The following KRT25 variants were observed in gnomAD, a reference collection of about 807,000 sequenced individuals.
KRT25 encodes the protein keratin 25, also known as keratin, type I cytoskeletal 25.
KRT25 carries 37 observed loss-of-function variants against 47.6 expected under a neutral mutation model. The observed-to-expected ratio is 0.78, with a 90% CI of 0.60 to 1.02. The LOEUF is 1.02. Ranked by LOEUF, KRT25 falls within the 50% of genes least tolerant of loss-of-function variation. The probability of loss-of-function intolerance (pLI) is 0.00; values close to 1 mark genes in which losing one functional copy is unlikely to be tolerated. For synonymous variants in KRT25, 203 were observed against 210.2 expected, an observed-to-expected ratio of 0.97 and a Z score of 0.30; for missense variants, 542 against 550.3, an observed-to-expected ratio of 0.98 and a Z score of 0.15.
Position 40,754,914 on chromosome 17 carries a change from G to T in KRT25, c.358C>A (p.Pro120Thr). 2 of 1,614,118 alleles carry T rather than the reference G, an allele frequency of 1.2e-6. No homozygotes were observed. Among genetic ancestry groups the T allele is most frequent in the Non-Finnish European group, 1.7e-6 (2 of 1,180,034 alleles). Residue 120 changes from proline to threonine, a missense_variant, in exon 1 of 8, where the codon CCT (proline) becomes ACT (threonine). Coordinates refer to ENST00000312150, the MANE Select transcript of KRT25 (RefSeq NM_181534.4). ...TGATCAAGACCACGGCAAGAGCCAG[G>T]CCCAAATTTCTCATACCAGCCCTTG... ...KIKGWYEKFG[P>T]GSCRGLDHDY... is the part of the protein sequence containing the mutation.
At chr17:40,754,818 A>T (rs755595355) in intron 1 of KRT25, 25 bp downstream of exon 1, 2 of 1,537,054 alleles carry the variant, frequency 1.3e-6, no homozygotes, top group African/African-American at 1.4e-5. Flanking sequence ...GTACATGAAA[A>T]TGATTGTGCA....
In KRT25 at chr17:40,749,745, G is replaced by A. The variant is rs139789520; in HGVS notation, c.1176-420C>T. 1.5e-4 allele frequency among the ~76,000 whole-genome samples: 23 copies of A among 152,234 alleles called. No individual in the cohort carries two copies. In the East Asian group the frequency reaches 3.9e-3, roughly 26 times the overall value. ...GGTTTGATGATAGGTGGGGAAGAGTGGTGTAGATCGCTTCAGCAGTTAGGC... is the reference window on the plus strand; with the variant it reads ...GGTTTGATGATAGGTGGGGAAGAGTAGTGTAGATCGCTTCAGCAGTTAGGC... On this transcript the variant is annotated intron_variant, in intron 6 of 7. Transcript: ENST00000312150.
At position 40,755,205 on chromosome 17, in the gene KRT25, G is replaced by C; in HGVS notation, c.67C>G (p.Leu23Val). Residue 23 changes from leucine to valine, a missense_variant, in exon 1 of 8, where the codon CTC becomes GTC. Transcript: ENST00000312150. The stretch of plus-strand genomic sequence containing the variant: ...CCAAAGCTGGTTCCCCCACCATAGA[G>C]TCTGAGTGATCCAGTGGTGGGACGA... ...CPRPTTGSLR[L>V]YGGGTSFGTG... The C allele has an allele frequency of 6.2e-7, 1 of 1,614,208 alleles. No homozygotes were observed. The highest frequency in any genetic ancestry group is 8.5e-7 in the Non-Finnish European group (1 of 1,180,028).
Position 40,751,328 on chromosome 17 carries a change from T to C in KRT25, c.670-2A>G. ...TGCGCACTGCAGAACTTGCATTTCC[T>C]AGAGGCAGAAAAGTGTTCTGCTCAG... is the stretch of plus-strand genomic sequence containing the variant. On this transcript the variant is annotated splice_acceptor_variant, in intron 3 of 7. Transcript: ENST00000312150. LOFTEE classifies it high-confidence loss of function. 1.2e-6 allele frequency: 2 copies of C among 1,607,010 alleles called. No individual in the cohort carries two copies. The highest frequency in any genetic ancestry group is 1.7e-6 in the Non-Finnish European group (2 of 1,176,878).
rs1307732458 is a variant in KRT25 at position 40,755,253 on chromosome 17, T to C, written c.19A>G (p.Ser7Gly). 2 of 1,613,594 alleles carry C rather than the reference T, an allele frequency of 1.2e-6. No individual in the cohort carries two copies. Among genetic ancestry groups the C allele is most frequent in the Admixed American group, 1.7e-5 (1 of 59,996 alleles). Residue 7 changes from serine (S) to glycine (G), a missense_variant, in exon 1 of 8, where the codon AGT becomes GGT. Transcript: ENST00000312150. Reference sequence around the variant, plus strand: ...CGAGGACAGGACCTCCTGGATGCACTGGAAAGTCGAAGAGACATGGTATCA... The same window carrying C: ...CGAGGACAGGACCTCCTGGATGCACCGGAAAGTCGAAGAGACATGGTATCA... Reference protein sequence around the residue: MSLRLSSASRRSCPRPT... With the variant: MSLRLSGASRRSCPRPT...
In KRT25 at chr17:40,753,951, A is replaced by G; in HGVS notation, c.578T>C (p.Leu193Ser). ...TGTTCTGCACAGGGTTATTTCATCC[A>G]AAACTCTTCGTAACCCATTGACATC... is the stretch of plus-strand genomic sequence containing the variant. ...EADVNGLRRVLDEITLCRTDL... is the reference protein window; with the variant it reads ...EADVNGLRRVSDEITLCRTDL... The change falls in exon 3 of 8, where the codon TTG becomes TCG. Residue 193 changes from leucine to serine, a missense_variant. Transcript: ENST00000312150. 1 of 1,614,024 alleles carries G rather than the reference A, an allele frequency of 6.2e-7. No individual in the cohort carries two copies. The highest frequency in any genetic ancestry group is 8.5e-7 in the Non-Finnish European group (1 of 1,179,896).
upstream of KRT25, chr17:40,755,407 T>A: frequency 1.3e-6 from 1 of 776,248 alleles, no homozygotes; most frequent in Non-Finnish European, 2.0e-6. Context: ...CTACACAGAG[T>A]AAAACATGGC....
intron 3 of KRT25, among the ~76,000 whole-genome samples, 157 bp from the exon 4 acceptor site, chr17:40,751,483 C>T (rs2038047399): frequency 6.6e-6 from 1 of 152,158 alleles, no homozygotes; most frequent in Non-Finnish European, 1.5e-5. Flanking sequence ...GTCCCGTTGA[C>T]CTAATTCTCA....
At position 40,753,844 on chromosome 17, in the gene KRT25, G is replaced by C. The variant is rs541478715; in HGVS notation, c.669+16C>G. ...GTCTGCGGAGGGATAGCAAAATGTA[G>C]ACGACCAGCTCTTACCTCTTTATGG... is the stretch of plus-strand genomic sequence containing the variant. On this transcript the variant is annotated intron_variant, in intron 3 of 7. Coordinates refer to ENST00000312150, the MANE Select transcript of KRT25 (RefSeq NM_181534.4). 1.2e-6 allele frequency: 2 copies of C among 1,610,928 alleles called. No individual in the cohort carries two copies. Among genetic ancestry groups the C allele is most frequent in the East Asian group, 2.2e-5 (1 of 44,764 alleles).
chr17:40,750,064 G>C (rs2038031778), intron 6 of KRT25, among the ~76,000 whole-genome samples: 1 of 152,110 alleles, frequency 6.6e-6, no homozygotes, highest in Admixed American at 6.5e-5. Context: ...GATTCTGTGA[G>C]TGCTGAGCTC....
Position 40,753,855 on chromosome 17 carries a change from C to A in KRT25, c.669+5G>T. Reference sequence around the variant, plus strand: ...GATAGCAAAATGTAGACGACCAGCTCTTACCTCTTTATGGTTCTTTTTGAG... The same window carrying A: ...GATAGCAAAATGTAGACGACCAGCTATTACCTCTTTATGGTTCTTTTTGAG... On this transcript the variant is annotated splice_donor_5th_base_variant and intron_variant, in intron 3 of 7. Coordinates refer to ENST00000312150, the MANE Select transcript of KRT25 (RefSeq NM_181534.4). The A allele has an allele frequency of 6.2e-7, 1 of 1,613,808 alleles. No individual in the cohort carries two copies. Among genetic ancestry groups the A allele is most frequent in the South Asian group, 1.1e-5 (1 of 91,048 alleles).
chr17:40,752,861 T>A (rs1272947290), intron 3 of KRT25, among the ~76,000 whole-genome samples: 1 of 152,224 alleles, frequency 6.6e-6, no homozygotes, highest in Non-Finnish European at 1.5e-5. Context: ...TAGAAGTCTT[T>A]TGGCTATTTA....
Position 40,750,970 on chromosome 17 carries a change from T to G in KRT25, c.941A>C (p.Gln314Pro). The change falls in exon 5 of 8, where the codon CAG (glutamine) becomes CCG (proline). Residue 314 changes from glutamine to proline, a missense_variant. Coordinates refer to ENST00000312150, the MANE Select transcript of KRT25 (RefSeq NM_181534.4). ...TTTTCATACCGTGGCTAGGAGAGAC[T>G]GAAGTTCAATTTCCAGGGTTTGAAG... ...RTLQTLEIEL[Q>P]SLLATKHSLE... 6.2e-7 allele frequency: 1 copy of G among 1,614,188 alleles called. No homozygotes were observed. Among genetic ancestry groups the G allele is most frequent in the African/African-American group, 1.3e-5 (1 of 75,028 alleles).
chr17:40,754,116 A>T (rs1404712256), intron 2 of KRT25, 100 bp from the exon 3 acceptor site: 8 of 1,209,548 alleles, frequency 6.6e-6, no homozygotes, highest in Non-Finnish European at 9.6e-6. Flanking sequence ...AATTTTGAAG[A>T]TTTGGCCACA....
Position 40,750,466 on chromosome 17 carries a change from C to T in KRT25, c.1089G>A (p.Lys363=), listed in dbSNP as rs72821891. The T allele has an allele frequency of 0.011, 17,892 of 1,614,038 alleles. 114 individuals are homozygous for T. The highest frequency in any genetic ancestry group is 0.013 in the Non-Finnish European group (14,821 of 1,179,932). The change falls in exon 6 of 8, where the codon AAG becomes AAA. Residue 363 remains lysine, a synonymous_variant. Transcript: ENST00000312150. The part of the protein sequence containing the change: ...HQVRTETEGQ[K]LEYEQLLDIK... ...TGTCCAGGAGCTGCTCATACTCCAG[C>T]TTCTGGCCCTCGGTCTCGGTTCTGA... is the stretch of plus-strand genomic sequence containing the variant.
Position 40,754,930 on chromosome 17 carries a change from C to T in KRT25, c.342G>A (p.Trp114Ter). The part of the protein sequence containing the change: ...NADLEQKIKG[W>*]YEKFGPGSCR... The stretch of plus-strand genomic sequence containing the variant: ...AAGAGCCAGGCCCAAATTTCTCATA[C>T]CAGCCCTTGATCTTCTGCTCCAGGT... Residue 114 changes from tryptophan (W) to a stop codon, truncating the protein, a stop_gained, in exon 1 of 8, where the codon TGG (tryptophan) becomes TGA (stop). Transcript: ENST00000312150. LOFTEE classifies it high-confidence loss of function. The T allele has an allele frequency of 6.2e-7, 1 of 1,614,148 alleles. No homozygotes were observed. The highest frequency in any genetic ancestry group is 1.1e-5 in the South Asian group (1 of 91,078).
intron 1 of KRT25, 70 bp from the exon 2 acceptor site, chr17:40,754,538 C>T: frequency 1.5e-6 from 2 of 1,360,610 alleles, no homozygotes; most frequent in Non-Finnish European, 2.1e-6. Flanking sequence ...ATTTCTAATG[C>T]TAAATTGGAA....
intron 5 of KRT25, 129 bp downstream of exon 5, chr17:40,750,825 T>C (rs2038039117): frequency 7.6e-7 from 1 of 1,312,354 alleles, no homozygotes; most frequent in East Asian, 2.4e-5. Flanking sequence ...TACAATCCTA[T>C]TCTTTCCTTA....
rs1028740203 is a variant in KRT25 at position 40,751,090 on chromosome 17, A to C, written c.832-11T>G. ...CTGCAGGGAGGCGCTCTGAAATGACATAAGTGAAGGAGCAAATCTTAGTTT... is the reference window on the plus strand; with the variant it reads ...CTGCAGGGAGGCGCTCTGAAATGACCTAAGTGAAGGAGCAAATCTTAGTTT... On this transcript the variant is annotated splice_polypyrimidine_tract_variant and intron_variant, in intron 4 of 7. Transcript: ENST00000312150. The C allele has an allele frequency of 1.2e-6, 2 of 1,614,072 alleles. No individual in the cohort carries two copies. The highest frequency in any genetic ancestry group is 1.3e-5 in the African/African-American group (1 of 74,916).
Sources: allele counts gnomAD v4.1 joint callset (sites outside exome capture counted in the v4.1 genomes callset), GRCh38; gene constraint gnomAD v4.1.1; transcripts MANE v1.5; gene names NCBI Gene and HGNC (gene_info 2026-07-23, HGNC 2026-07-21).